NME2: variants seen among roughly 807,000 people sequenced by gnomAD.
The protein encoded by NME2 is nucleoside diphosphate kinase B.
Under a neutral mutation model 17.8 loss-of-function variants are expected in NME2, and 18 were observed. That is an observed-to-expected ratio of 1.01 (90% CI 0.70 to 1.50). The LOEUF (loss-of-function observed/expected upper bound fraction) is 1.50. Ranked by LOEUF, NME2 falls within the 40% of genes most tolerant of loss-of-function variation. The pLI, the probability that NME2 is intolerant of heterozygous loss-of-function variation, is 0.00. For synonymous variants in NME2, 74 were observed against 71.4 expected (o/e 1.04, Z -0.19); for missense variants, 161 against 195.6 (o/e 0.82, Z 1.05).
At chr17:51,168,393 T>G (rs2049992688) in intron 3 of NME2, 50 bp downstream of exon 3, 3 of 1,584,632 alleles carry the variant, frequency 1.9e-6, no homozygotes, top group Non-Finnish European at 2.6e-6. Flanking sequence ...TGCTCAGTGT[T>G]CTTTGTTAGA....
intron 4 of NME2, among the ~76,000 whole-genome samples, chr17:51,170,538 A>G (rs935597669): frequency 6.6e-6 from 1 of 151,982 alleles, no homozygotes; most frequent in Non-Finnish European, 1.5e-5. Context: ...CTGTAATCCC[A>G]GCACTTTGGG....
At position 51,168,257 on chromosome 17, in the gene NME2, C is replaced by T; in HGVS notation, c.142C>T (p.Leu48=). The T allele has an allele frequency of 6.2e-7, 1 of 1,613,872 alleles. No individual in the cohort carries two copies. The highest frequency in any genetic ancestry group is 8.5e-7 in the Non-Finnish European group (1 of 1,179,866). ...CCAATGCCAGGCCTCTGAAGAACACCTGAAGCAGCACTACATTGACCTGAA... is the reference window on the plus strand; with the variant it reads ...CCAATGCCAGGCCTCTGAAGAACACTTGAAGCAGCACTACATTGACCTGAA... ...MKFLRASEEH[L]KQHYIDLKDR... Residue 48 remains leucine, a synonymous_variant, in exon 3 of 5, where the codon CTG becomes TTG. Transcript: ENST00000512737.
At chr17:51,171,084 T>C (rs985731879) in intron 4 of NME2, among the ~76,000 whole-genome samples, 59 of 152,258 alleles carry the variant, frequency 3.9e-4, no homozygotes, top group African/African-American at 1.4e-3. Context: ...GGTTGGGCTT[T>C]GCAAATCAGT....
intron 3 of NME2, 102 bp from the exon 4 acceptor site, chr17:51,169,835 T>C (rs2050029481): frequency 2.9e-6 from 3 of 1,027,164 alleles, no homozygotes; most frequent in Non-Finnish European, 1.5e-6. Flanking sequence ...ATCATGTCAC[T>C]GATCGGTCTC....
chr17:51,168,513 G>T (rs2049995161), intron 3 of NME2, among the ~76,000 whole-genome samples, 170 bp downstream of exon 3: 1 of 152,118 alleles, frequency 6.6e-6, no homozygotes, highest in Non-Finnish European at 1.5e-5. Flanking sequence ...CTTAGAAATG[G>T]GAAGGATGTT....
chr17:51,170,234 C>T (rs571763203), intron 4 of NME2, among the ~76,000 whole-genome samples, 185 bp downstream of exon 4: 9 of 151,032 alleles, frequency 6.0e-5, no homozygotes, highest in South Asian at 2.1e-4. Flanking sequence ...CTTCACCTCC[C>T]GGGTTCAAGC....
chr17:51,167,079 T>C (rs1325717668), intron 2 of NME2, 123 bp downstream of exon 2: 3 of 1,570,720 alleles, frequency 1.9e-6, no homozygotes, highest in African/African-American at 2.7e-5. Flanking sequence ...CCCTTTGCCC[T>C]CTGCCCCCGC....
At chr17:51,167,011 C>T in intron 2 of NME2, 55 bp downstream of exon 2, 3 of 1,608,654 alleles carry the variant, frequency 1.9e-6, no homozygotes, top group Non-Finnish European at 2.5e-6. Flanking sequence ...GGTGTTTTTC[C>T]CTCCCGGCGG....
chr17:51,170,017 C>T lies in NME2; in HGVS notation c.309C>T (p.Thr103=), dbSNP rs756006257. ...ETNPADSKPG[T]IRGDFCIQVG... is the part of the protein sequence containing the mutation. ...ATCCAGCAGATTCAAAGCCAGGCAC[C>T]ATTCGTGGGGACTTCTGCATTCAGG... Residue 103 remains threonine, a synonymous_variant, in exon 4 of 5, where the codon ACC becomes ACT. Transcript: ENST00000512737. 2.5e-6 allele frequency: 4 copies of T among 1,612,274 alleles called. No homozygotes were observed. The highest frequency in any genetic ancestry group is 3.4e-6 in the Non-Finnish European group (4 of 1,179,356).
chr17:51,166,947 G>A lies in NME2; in HGVS notation c.117G>A (p.Lys39=). The change falls in exon 2 of 5, where the codon AAG becomes AAA. Residue 39 remains lysine, a synonymous_variant. Coordinates refer to ENST00000512737, the MANE Select transcript of NME2 (RefSeq NM_002512.4). ...EQKGFRLVAM[K]FLRASEEHLK... Reference sequence around the variant, plus strand: ...AGGGATTCCGCCTCGTGGCCATGAAGTTCCTCCGGGTAACTCGCCCCCGTC... The same window carrying A: ...AGGGATTCCGCCTCGTGGCCATGAAATTCCTCCGGGTAACTCGCCCCCGTC... 1.2e-6 allele frequency: 2 copies of A among 1,613,570 alleles called. No individual in the cohort carries two copies. Among genetic ancestry groups the A allele is most frequent in the Admixed American group, 1.7e-5 (1 of 60,016 alleles).
chr17:51,168,939 G>A (rs2050008312), intron 3 of NME2, among the ~76,000 whole-genome samples: 1 of 152,030 alleles, frequency 6.6e-6, no homozygotes. Context: ...CTCCAGCCTG[G>A]GCGACAGCAA....
intron 2 of NME2, chr17:51,167,196 T>G: frequency 3.5e-6 from 3 of 856,282 alleles, no homozygotes; most frequent in Non-Finnish European, 4.9e-6. Context: ...TTGGGTTCCT[T>G]CCCGCGGGCC....
chr17:51,166,828 A>G lies in NME2; in HGVS notation c.-3A>G, dbSNP rs2049950626. On this transcript the variant is annotated splice_region_variant and 5_prime_UTR_variant, in exon 2 of 5. Transcript: ENST00000512737. ...CTGACCGCACCTCTCGCCCCGCAGG[A>G]CCATGGCCAACCTGGAGCGCACCTT... 1.9e-6 allele frequency: 3 copies of G among 1,611,452 alleles called. No homozygotes were observed. The highest frequency in any genetic ancestry group is 2.5e-6 in the Non-Finnish European group (3 of 1,178,922).
rs1297017824 is a variant in NME2 at position 51,168,299 on chromosome 17, C to T, written c.184C>T (p.Pro62Ser). 2 of 1,613,990 alleles carry T rather than the reference C, an allele frequency of 1.2e-6. No homozygotes were observed. The highest frequency in any genetic ancestry group is 1.7e-6 in the Non-Finnish European group (2 of 1,179,952). ...YIDLKDRPFF[P>S]GLVKYMNSGP... is the part of the protein sequence containing the mutation. ...TGACCTGAAAGACCGACCATTCTTC[C>T]CTGGGCTGGTGAAGTACATGAACTC... The change falls in exon 3 of 5, where the codon CCT (proline) becomes TCT (serine). Residue 62 changes from proline (P) to serine (S), a missense_variant. Physicochemically the swap from Pro to Ser is moderately conservative, Grantham distance 74. Transcript: ENST00000512737.
intron 2 of NME2, among the ~76,000 whole-genome samples, chr17:51,167,577 A>G (rs1236571524): frequency 6.6e-6 from 1 of 152,210 alleles, no homozygotes; most frequent in Non-Finnish European, 1.5e-5. Flanking sequence ...ATGACCTGAC[A>G]TATGTACTTC....
At position 51,170,022 on chromosome 17, in the gene NME2, G is replaced by A. The variant is rs377454242; in HGVS notation, c.314G>A (p.Arg105His). 9.9e-6 allele frequency: 16 copies of A among 1,611,684 alleles called. No individual in the cohort carries two copies. The highest frequency in any genetic ancestry group is 1.4e-5 in the Non-Finnish European group (16 of 1,179,134). ...GCAGATTCAAAGCCAGGCACCATTC[G>A]TGGGGACTTCTGCATTCAGGTTGGC... ...NPADSKPGTI[R>H]GDFCIQVGRN... Residue 105 changes from arginine to histidine, a missense_variant, in exon 4 of 5, where the codon CGT (arginine) becomes CAT (histidine). Coordinates refer to ENST00000512737, the MANE Select transcript of NME2 (RefSeq NM_002512.4).
At chr17:51,168,625 C>G (rs896363240) in intron 3 of NME2, among the ~76,000 whole-genome samples, 4 of 151,750 alleles carry the variant, frequency 2.6e-5, no homozygotes, top group Non-Finnish European at 5.9e-5. Context: ...GAGCCGAGAT[C>G]GTGCCACTGC....
chr17:51,166,965 C>T lies in NME2; in HGVS notation c.126+9C>T, dbSNP rs1224669392. ...CCATGAAGTTCCTCCGGGTAACTCG[C>T]CCCCGTCTCCCCTTCCCCGCTGCAG... On this transcript the variant is annotated intron_variant, in intron 2 of 4. Transcript: ENST00000512737. 2.5e-6 allele frequency: 4 copies of T among 1,612,650 alleles called. No homozygotes were observed. The highest frequency in any genetic ancestry group is 2.5e-6 in the Non-Finnish European group (3 of 1,179,386).
At chr17:51,169,208 C>T (rs925206132) in intron 3 of NME2, among the ~76,000 whole-genome samples, 15 of 151,692 alleles carry the variant, frequency 9.9e-5, no homozygotes, top group Middle Eastern at 3.4e-3. Flanking sequence ...TTTGGGAGGC[C>T]GAGGTGGGTG....
Sources: gnomAD v4.1 joint callset for allele counts (sites outside exome capture counted in the v4.1 genomes callset) on GRCh38, gnomAD v4.1.1 for gene constraint, MANE v1.5 for transcripts, NCBI Gene and HGNC (gene_info 2026-07-23, HGNC 2026-07-21) for gene names.